CHST9: variants seen among roughly 807,000 people sequenced by gnomAD.
CHST9 encodes the protein GalNAc-4-sulfotransferase 2.
CHST9 carries 41 observed loss-of-function variants against 44.4 expected under a neutral mutation model. That is an observed-to-expected ratio of 0.92 (90% CI 0.72 to 1.20). CHST9 has a LOEUF of 1.20. CHST9 is among the 50% of genes most tolerant of loss of function. CHST9 has a pLI of 0.00. For missense variants in CHST9, 504 were observed against 516.5 expected (o/e 0.98, Z 0.23); for synonymous variants, 171 against 178.4 (o/e 0.96, Z 0.33).
chr18:27,179,870 T>C (rs2058898291), intron 1 of CHST9, among the ~76,000 whole-genome samples: 1 of 152,102 alleles, frequency 6.6e-6, no homozygotes. Flanking sequence ...AATTTTTATT[T>C]TCAAGTATTT....
At chr18:27,045,839 C>G (rs2057493510) in intron 3 of CHST9, among the ~76,000 whole-genome samples, 1 of 151,984 alleles carries the variant, frequency 6.6e-6, no homozygotes. Context: ...TAGACGGACT[C>G]TAAATAGAAG....
intron 4 of CHST9, among the ~76,000 whole-genome samples, chr18:26,984,491 C>A (rs944744382): frequency 1.3e-5 from 2 of 151,808 alleles, no homozygotes; most frequent in Non-Finnish European, 2.9e-5. Context: ...AAAGAACTAG[C>A]AATAAGGGGA....
intron 2 of CHST9, among the ~76,000 whole-genome samples, chr18:27,063,088 G>T (rs371690949): frequency 3.9e-4 from 59 of 152,178 alleles, no homozygotes; most frequent in African/African-American, 1.4e-3. Flanking sequence ...TAGCACACAT[G>T]CATTGTCTCA....
chr18:26,912,372 A>AACACACACACACACACACACACAC lies in CHST9; in HGVS notation c.*3886_*3887insGTGTGTGTGTGTGTGTGTGTGTGT, dbSNP rs764771288. ...TTGAAATGTGATAACTAACTAGCTA[A>AACACACACACACACACACACACAC]ATACACACACACACACACACACACA... On this transcript the variant is annotated 3_prime_UTR_variant, in exon 6 of 6. Transcript: ENST00000618847. 6.8e-6 allele frequency: 1 copy of AACACACACACACACACACACACAC among 146,096 alleles called. No individual in the cohort carries two copies. Among genetic ancestry groups the AACACACACACACACACACACACAC allele is most frequent in the African/African-American group, 2.6e-5 (1 of 39,204 alleles). 9.0% of individuals were successfully genotyped at this position (146,096 alleles called of 1,614,324 possible).
chr18:27,002,561 G>A lies in CHST9; in HGVS notation c.202+21555C>T, dbSNP rs539639039. On this transcript the variant is annotated intron_variant, in intron 4 of 5. Coordinates refer to ENST00000618847, the MANE Select transcript of CHST9 (RefSeq NM_031422.6). ...AAAAATTACATGAGATATTCAACAC[G>A]TAATTGTGAAATAGGCTTTGTGTTA... 2.6e-5 allele frequency among the ~76,000 whole-genome samples: 4 copies of A among 152,262 alleles called. No homozygotes were observed. The South Asian group carries it at 6.2e-4, about 24-fold the overall frequency.
chr18:27,071,843 A>T (rs1182470775), intron 2 of CHST9, among the ~76,000 whole-genome samples: 1 of 152,194 alleles, frequency 6.6e-6, no homozygotes, highest in Non-Finnish European at 1.5e-5. Context: ...TGATTCCAAG[A>T]CTGCATCAAT....
chr18:27,099,501 A>T (rs759479738), intron 2 of CHST9, among the ~76,000 whole-genome samples: 1 of 152,140 alleles, frequency 6.6e-6, no homozygotes, highest in South Asian at 2.1e-4. Context: ...AAGCAAAAAA[A>T]CAGAACAAAA....
intron 5 of CHST9, chr18:26,926,006 T>A (rs1351512619): frequency 2.6e-5 from 4 of 151,464 alleles, no homozygotes; most frequent in Admixed American, 2.6e-4. Context: ...GAGACAGAAA[T>A]GGGAAAGAGA....
At chr18:27,077,021 A>C (rs1029712050) in intron 2 of CHST9, among the ~76,000 whole-genome samples, 1 of 152,222 alleles carries the variant, frequency 6.6e-6, no homozygotes, top group African/African-American at 2.4e-5. Context: ...AAGGCAGTCC[A>C]TCTATATTTT....
At chr18:27,082,689 T>C (rs1253839026) in intron 2 of CHST9, among the ~76,000 whole-genome samples, 1 of 152,240 alleles carries the variant, frequency 6.6e-6, no homozygotes, top group African/African-American at 2.4e-5. Context: ...CACTGTCATT[T>C]ACTTGAAGTT....
chr18:26,918,845 G>T (rs2055589988), intron 5 of CHST9, among the ~76,000 whole-genome samples: 1 of 151,814 alleles, frequency 6.6e-6, no homozygotes, highest in East Asian at 1.9e-4. Flanking sequence ...AACGTGTACA[G>T]CCCCGTGTAT....
Position 27,029,986 on chromosome 18 carries a change from G to A in CHST9, c.161-5829C>T, listed in dbSNP as rs989012249. Among the ~76,000 whole-genome samples the A allele has an allele frequency of 2.0e-4, 31 of 152,170 alleles. 1 individual carries two copies. Among genetic ancestry groups the A allele is most frequent in the Admixed American group, 1.9e-3 (29 of 15,280 alleles). ...TTCCTAGTCCCCTAGAAAGGATTTT[G>A]TAGTAGCTGTTTTAAAATGCCTGAG... On this transcript the variant is annotated intron_variant, in intron 3 of 5. Transcript: ENST00000618847.
chr18:26,988,908 C>T (rs2145204331), intron 4 of CHST9, among the ~76,000 whole-genome samples: 1 of 151,690 alleles, frequency 6.6e-6, no homozygotes, highest in Middle Eastern at 3.4e-3. Flanking sequence ...CTAAATAACA[C>T]AAAGGTCAAA....
chr18:26,977,305 C>A (rs2056634936), intron 4 of CHST9, among the ~76,000 whole-genome samples: 1 of 151,894 alleles, frequency 6.6e-6, no homozygotes, highest in Non-Finnish European at 1.5e-5. Flanking sequence ...AAAGCAATAG[C>A]CTGCTGCAGG....
chr18:27,019,702 AAAAAAAAAAGAG>A (rs1281471256), intron 4 of CHST9, among the ~76,000 whole-genome samples: 1 of 151,686 alleles, frequency 6.6e-6, no homozygotes, highest in Admixed American at 6.6e-5. Flanking sequence ...AAAAAAAAAA[AAAAAAAAAAGAG>A]AGAAAAACAT....
At chr18:27,113,983 G>T (rs189436008) in intron 2 of CHST9, among the ~76,000 whole-genome samples, 114 of 152,252 alleles carry the variant, frequency 7.5e-4, no homozygotes, top group South Asian at 7.1e-3. Context: ...AATGTTAGGG[G>T]TGAACATAAT....
intron 4 of CHST9, among the ~76,000 whole-genome samples, chr18:26,966,783 T>C (rs2056470886): frequency 6.6e-6 from 1 of 151,958 alleles, no homozygotes; most frequent in Admixed American, 6.6e-5. Flanking sequence ...TTGGTTATTT[T>C]AAGGCACATG....
intron 2 of CHST9, among the ~76,000 whole-genome samples, chr18:27,092,538 A>G (rs2058079250): frequency 6.6e-6 from 1 of 151,890 alleles, no homozygotes; most frequent in South Asian, 2.1e-4. Flanking sequence ...TTGTGGTGTT[A>G]GGGTGTTGAT....
At position 27,160,248 on chromosome 18, in the gene CHST9, A is replaced by G. The variant is rs1367810443; in HGVS notation, c.-96-17343T>C. Among the ~76,000 whole-genome samples, 5 of 152,082 alleles carry G rather than the reference A, an allele frequency of 3.3e-5. No individual in the cohort carries two copies. The South Asian group carries it at 1.0e-3, about 31-fold the overall frequency. ...TCAGTATGATATTGGCTGTGGGTTT[A>G]TCATGGATAGCTCTTATTATTTTGA... On this transcript the variant is annotated intron_variant, in intron 1 of 5. Transcript: ENST00000618847.
Sources: gnomAD v4.1 joint callset for allele counts (sites outside exome capture counted in the v4.1 genomes callset) on GRCh38, gnomAD v4.1.1 for gene constraint, MANE v1.5 for transcripts, NCBI Gene and HGNC (gene_info 2026-07-23, HGNC 2026-07-21) for gene names.